The following CDH6 variants were observed in gnomAD, a reference collection of about 807,000 sequenced individuals.
CDH6 encodes cadherin 6.
CDH6 carries 31 observed loss-of-function variants against 78.0 expected under a neutral mutation model. The observed-to-expected ratio is 0.40, with a 90% CI of 0.30 to 0.54. The LOEUF is 0.54. Ranked by LOEUF, CDH6 falls within the 20% of genes least tolerant of loss-of-function variation. The probability of loss-of-function intolerance (pLI) is 0.56; values close to 1 mark genes in which losing one functional copy is unlikely to be tolerated. For synonymous variants in CDH6, 376 were observed against 368.8 expected (o/e 1.02, Z -0.23); for missense variants, 724 against 975.9 (o/e 0.74, Z 3.44).
chr5:31,249,867 G>T (rs767690926), intron 1 of CDH6: 2 of 152,364 alleles, frequency 1.3e-5, no homozygotes, highest in Non-Finnish European at 2.9e-5. Context: ...AACACTTCAC[G>T]CAGCTTTCTT....
chr5:31,199,465 TACAC>T (rs1491341713), intron 1 of CDH6, among the ~76,000 whole-genome samples: 1 of 4,016 alleles, frequency 2.5e-4, no homozygotes, highest in East Asian at 0.026. Flanking sequence ...TGTGTATATA[TACAC>T]ACACATATGT....
At chr5:31,250,282 C>T (rs1161790796) in intron 1 of CDH6, 2 of 152,370 alleles carry the variant, frequency 1.3e-5, no homozygotes, top group Non-Finnish European at 2.9e-5. Context: ...GTGCATGGCC[C>T]CTAGCAGTGG....
At chr5:31,202,596 A>G (rs1740385299) in intron 1 of CDH6, among the ~76,000 whole-genome samples, 2 of 152,016 alleles carry the variant, frequency 1.3e-5, no homozygotes, top group African/African-American at 2.4e-5. Flanking sequence ...AGATCACGCC[A>G]TTCTACTCCA....
At chr5:31,320,363 C>A (rs546032889) in intron 11 of CDH6, among the ~76,000 whole-genome samples, 18 of 152,104 alleles carry the variant, frequency 1.2e-4, no homozygotes, top group African/African-American at 4.3e-4. Context: ...CGCTTTCAGA[C>A]GTGCATAAGA....
chr5:31,229,671 A>G (rs994521980), intron 1 of CDH6, among the ~76,000 whole-genome samples: 2 of 152,246 alleles, frequency 1.3e-5, no homozygotes, highest in Non-Finnish European at 2.9e-5. Flanking sequence ...AGGATTTTTT[A>G]GTGAAAGAAT....
chr5:31,252,967 T>A (rs989030802), intron 1 of CDH6, among the ~76,000 whole-genome samples: 5 of 152,226 alleles, frequency 3.3e-5, no homozygotes, highest in African/African-American at 9.6e-5. Context: ...TATATGTTAG[T>A]CTGCTCAAGC....
At chr5:31,204,620 A>G (rs972219695) in intron 1 of CDH6, among the ~76,000 whole-genome samples, 2 of 152,190 alleles carry the variant, frequency 1.3e-5, no homozygotes, top group African/African-American at 2.4e-5. Flanking sequence ...TTTGCTTCCC[A>G]ATTTCTCACT....
At chr5:31,313,730 C>T (rs764772847) in intron 8 of CDH6, among the ~76,000 whole-genome samples, 1 of 151,788 alleles carries the variant, frequency 6.6e-6, no homozygotes, top group African/African-American at 2.4e-5. Context: ...GGATTTAATT[C>T]CAAAAAAGCT....
intron 6 of CDH6, among the ~76,000 whole-genome samples, chr5:31,303,395 C>T (rs1480640642): frequency 5.3e-5 from 8 of 152,090 alleles, no homozygotes; most frequent in Admixed American, 5.2e-4. Context: ...TGTATAAAGA[C>T]CACAAGTTTA....
intron 1 of CDH6, among the ~76,000 whole-genome samples, chr5:31,255,960 G>C (rs1438734015): frequency 1.3e-5 from 2 of 152,256 alleles, no homozygotes; most frequent in African/African-American, 2.4e-5. Context: ...CTATCCTTTT[G>C]GGGGAGAAGT....
At chr5:31,196,995 G>A (rs9791088) in intron 1 of CDH6, among the ~76,000 whole-genome samples, 3 of 149,388 alleles carry the variant, frequency 2.0e-5, no homozygotes, top group Admixed American at 6.7e-5. Context: ...AGAAATATTT[G>A]CAGGAAAAAA....
chr5:31,271,104 G>A (rs1171851364), intron 2 of CDH6, among the ~76,000 whole-genome samples: 1 of 152,064 alleles, frequency 6.6e-6, no homozygotes, highest in Non-Finnish European at 1.5e-5. Flanking sequence ...CATTAACTGA[G>A]GAAAAGTAAT....
intron 1 of CDH6, among the ~76,000 whole-genome samples, chr5:31,262,693 T>C (rs1742241815): frequency 6.6e-6 from 1 of 152,220 alleles, no homozygotes; most frequent in Admixed American, 6.5e-5. Context: ...TCCCACCATC[T>C]AGTCTTCAGG....
In CDH6 at chr5:31,323,209, G is replaced by C. The variant is rs1231144308; in HGVS notation, c.2274G>C (p.Thr758=). ...TGAGCTCGCTGGAGTCAGTGACCAC[G>C]GATGCAGATCAAGACTATGATTACC... ...DSLSSLESVT[T]DADQDYDYLS... The change falls in exon 12 of 12, where the codon ACG becomes ACC. Residue 758 remains threonine, a synonymous_variant. Coordinates refer to ENST00000265071, the MANE Select transcript of CDH6 (RefSeq NM_004932.4). The C allele has an allele frequency of 1.9e-6, 3 of 1,614,050 alleles. No individual in the cohort carries two copies. The highest frequency in any genetic ancestry group is 2.5e-6 in the Non-Finnish European group (3 of 1,180,038).
intron 1 of CDH6, among the ~76,000 whole-genome samples, chr5:31,222,667 A>G (rs939319566): frequency 2.0e-5 from 3 of 152,168 alleles, no homozygotes; most frequent in African/African-American, 7.2e-5. Flanking sequence ...ATAGAGATAA[A>G]TTCATTACAC....
At chr5:31,298,834 A>T (rs565650225) in intron 4 of CDH6, among the ~76,000 whole-genome samples, 1 of 152,310 alleles carries the variant, frequency 6.6e-6, no homozygotes, top group East Asian at 1.9e-4. Flanking sequence ...GGAATTCTAA[A>T]AGGCTGAAAG....
intron 3 of CDH6, among the ~76,000 whole-genome samples, chr5:31,295,164 T>C (rs536970960): frequency 2.8e-4 from 43 of 152,330 alleles, no homozygotes; most frequent in Middle Eastern, 6.8e-3. Flanking sequence ...ATTTTTCTTA[T>C]GAAGAAATTG....
At position 31,323,176 on chromosome 5, in the gene CDH6, G is replaced by A. The variant is rs868393947; in HGVS notation, c.2241G>A (p.Ala747=). 2 of 1,614,128 alleles carry A rather than the reference G, an allele frequency of 1.2e-6. No individual in the cohort carries two copies. The highest frequency in any genetic ancestry group is 1.7e-6 in the Non-Finnish European group (2 of 1,180,028). ...CCTATGAAGGCACTGGCTCCGTGGC[G>A]GATTCCCTGAGCTCGCTGGAGTCAG... is the stretch of plus-strand genomic sequence containing the variant. ...TYAYEGTGSV[A]DSLSSLESVT... is the part of the protein sequence containing the mutation. Residue 747 remains alanine (A), a synonymous_variant, in exon 12 of 12, where the codon GCG becomes GCA. Coordinates refer to ENST00000265071, the MANE Select transcript of CDH6 (RefSeq NM_004932.4).
intron 2 of CDH6, among the ~76,000 whole-genome samples, chr5:31,269,795 T>C (rs772110853): frequency 2.6e-5 from 4 of 152,326 alleles, no homozygotes; most frequent in Middle Eastern, 3.4e-3. Context: ...TATGGGCAGC[T>C]AGATAAATTT....
Sources: allele counts gnomAD v4.1 joint callset (sites outside exome capture counted in the v4.1 genomes callset), GRCh38; gene constraint gnomAD v4.1.1; transcripts MANE v1.5; gene names NCBI Gene and HGNC (gene_info 2026-07-23, HGNC 2026-07-21).